DHX38: variants seen among roughly 807,000 people sequenced by gnomAD.
DHX38 encodes the protein DEAH-box helicase 38.
In DHX38, 100 loss-of-function variants were observed where a neutral mutation model predicts 153.1. That is an observed-to-expected ratio of 0.65 (90% confidence interval 0.56 to 0.77). DHX38 has a LOEUF of 0.77. DHX38 is among the 30% of genes least tolerant of loss of function. The pLI, the probability that DHX38 is intolerant of heterozygous loss-of-function variation, is 0.00. For synonymous variants in DHX38, 650 were observed against 631.7 expected (o/e 1.03, Z -0.43); for missense variants, 1,440 against 1,654.0 (o/e 0.87, Z 2.24).
At chr16:72,099,674 G>T (rs1310866881) in intron 7 of DHX38, 58 bp from the exon 8 acceptor site, 59 of 1,599,410 alleles carry the variant, frequency 3.7e-5, no homozygotes, top group Non-Finnish European at 5.0e-5. Context: ...TGTTGGCCAT[G>T]TCTCGTGCAT....
intron 4 of DHX38, among the ~76,000 whole-genome samples, chr16:72,097,997 C>T (rs2042045195): frequency 6.6e-6 from 1 of 152,116 alleles, no homozygotes; most frequent in South Asian, 2.1e-4. Context: ...GCTGAATGGC[C>T]AGTTTTCCAA....
Position 72,104,562 on chromosome 16 carries a change from T to C in DHX38, c.2087T>C (p.Phe696Ser). The change falls in exon 15 of 27, where the codon TTT (phenylalanine) becomes TCT (serine). Residue 696 changes from phenylalanine (F) to serine (S), a missense_variant. Phe to Ser is a radical substitution (Grantham distance 155). Coordinates refer to ENST00000268482, the MANE Select transcript of DHX38 (RefSeq NM_014003.4). The surrounding 1 kb of genome is among the most constrained non-coding windows in gnomAD (Gnocchi z 4.5). ...GATGCGGAGAAGTTTGCTGCCTTTT[T>C]TGGGAATGTCCCCATCTTCCACATC... ...TMDAEKFAAFFGNVPIFHIPG... is the reference protein window; with the variant it reads ...TMDAEKFAAFSGNVPIFHIPG... The C allele has an allele frequency of 6.2e-7, 1 of 1,614,160 alleles. No homozygotes were observed. The highest frequency in any genetic ancestry group is 8.5e-7 in the Non-Finnish European group (1 of 1,180,020).
chr16:72,106,147 G>A, intron 19 of DHX38, 30 bp downstream of exon 19: 1 of 1,607,372 alleles, frequency 6.2e-7, no homozygotes, highest in Non-Finnish European at 8.5e-7. Flanking sequence ...CTGCTTTCTG[G>A]GGCAGCGCTG....
chr16:72,096,823 C>A lies in DHX38; in HGVS notation c.325C>A (p.His109Asn). The stretch of plus-strand genomic sequence containing the variant: ...TACCAGTTGCTCTCCCTGTTTCAGA[C>A]ATTATCGGTCTGCTCGGGTAGAGAC... ...QAGQNIRKDR[H>N]YRSARVETPS... The change falls in exon 3 of 27, where the codon CAT becomes AAT. Residue 109 changes from histidine (H) to asparagine (N), a missense_variant and splice_region_variant. His to Asn is a moderately conservative substitution (Grantham distance 68). Around this residue, in one of 6 missense-constraint regions of DHX38, gnomAD observed 483 missense variants for 465.1 expected, o/e 1.04. Transcript: ENST00000268482. 4 of 1,610,714 alleles carry A rather than the reference C, an allele frequency of 2.5e-6. No homozygotes were observed. Among genetic ancestry groups the A allele is most frequent in the Non-Finnish European group, 3.4e-6 (4 of 1,178,310 alleles).
intron 25 of DHX38, among the ~76,000 whole-genome samples, chr16:72,110,092 T>C (rs2042237586): frequency 6.6e-6 from 1 of 152,250 alleles, no homozygotes; most frequent in Non-Finnish European, 1.5e-5. Context: ...ATCCAGGCAT[T>C]GCAACTGCTT....
At chr16:72,111,121 C>T (rs755008295) in intron 26 of DHX38, 44 bp downstream of exon 26, 62 of 1,513,274 alleles carry the variant, frequency 4.1e-5, no homozygotes, top group Non-Finnish European at 5.4e-5. Context: ...GCACCCATCC[C>T]AGGAGGCTGC....
Position 72,096,472 on chromosome 16 carries a change from G to T in DHX38, c.315G>T (p.Arg105=). The T allele has an allele frequency of 6.2e-7, 1 of 1,611,952 alleles. No homozygotes were observed. The change falls in exon 2 of 27, where the codon CGG becomes CGT. Residue 105 remains arginine, a synonymous_variant. Coordinates refer to ENST00000268482, the MANE Select transcript of DHX38 (RefSeq NM_014003.4). ...GTGACCAGGCTGGCCAAAATATCCGGAAAGACAGGTAAAGGCCTTAGTATG... is the reference window on the plus strand; with the variant it reads ...GTGACCAGGCTGGCCAAAATATCCGTAAAGACAGGTAAAGGCCTTAGTATG... ...EGGDQAGQNI[R]KDRHYRSARV... is the part of the protein sequence containing the mutation.
In DHX38 at chr16:72,108,235, G is replaced by C; in HGVS notation, c.2973G>C (p.Glu991Asp). The C allele has an allele frequency of 1.2e-6, 2 of 1,614,102 alleles. No individual in the cohort carries two copies. Among genetic ancestry groups the C allele is most frequent in the Non-Finnish European group, 1.7e-6 (2 of 1,180,026 alleles). The change falls in exon 22 of 27, where the codon GAG becomes GAC. Residue 991 changes from glutamate (E) to aspartate (D), a missense_variant. Transcript: ENST00000268482. ...PAIFYRPKGR[E>D]EESDQIREKF... ...TCTTTTTCCCTTCCTAGGGTCGAGA[G>C]GAGGAGAGTGATCAAATCCGGGAGA...
Position 72,110,955 on chromosome 16 carries a change from G to T in DHX38, c.3478-1G>T. ...CAGCCAGGTCTGTCCCTCTTCAATA[G>T]GAGAACCGTCGTCGGGCCAAAGAGG... On this transcript the variant is annotated splice_acceptor_variant, in intron 25 of 26. Transcript: ENST00000268482. LOFTEE classifies it high-confidence loss of function. The T allele has an allele frequency of 6.3e-7, 1 of 1,586,840 alleles. No homozygotes were observed. The highest frequency in any genetic ancestry group is 1.2e-5 in the South Asian group (1 of 86,954).
chr16:72,099,409 C>T (rs2144139964), intron 7 of DHX38, 129 bp downstream of exon 7: 3 of 862,092 alleles, frequency 3.5e-6, no homozygotes, highest in Middle Eastern at 3.5e-4. Context: ...CCTGGAGTCT[C>T]TTTGCAGAGG....
Position 72,098,725 on chromosome 16 carries a change from C to G in DHX38, c.697C>G (p.Pro233Ala). Residue 233 changes from proline (P) to alanine (A), a missense_variant, in exon 5 of 27, where the codon CCC becomes GCC. By Grantham distance (27) the Pro-to-Ala change is conservative. Coordinates refer to ENST00000268482, the MANE Select transcript of DHX38 (RefSeq NM_014003.4). ...GSSRRSQWESPSPTPSYRDSE... is the reference protein window; with the variant it reads ...GSSRRSQWESASPTPSYRDSE... ...CTCAAGGCGCTCACAGTGGGAATCG[C>G]CCTCCCCGACGCCTTCCTATCGGGA... 1 of 1,614,176 alleles carries G rather than the reference C, an allele frequency of 6.2e-7. No homozygotes were observed. The highest frequency in any genetic ancestry group is 8.5e-7 in the Non-Finnish European group (1 of 1,180,032).
In DHX38 at chr16:72,112,544, G is replaced by A; in HGVS notation, c.*47G>A. The A allele has an allele frequency of 6.3e-7, 1 of 1,594,736 alleles. No homozygotes were observed. Among genetic ancestry groups the A allele is most frequent in the South Asian group, 1.1e-5 (1 of 90,816 alleles). On this transcript the variant is annotated 3_prime_UTR_variant, in exon 27 of 27. Coordinates refer to ENST00000268482, the MANE Select transcript of DHX38 (RefSeq NM_014003.4). ...GATGGCAGCAGGTATTGGGTCCTCA[G>A]CCTTCTGGCGGGAGCCCTGAGGCTG... is the stretch of plus-strand genomic sequence containing the variant.
chr16:72,103,276 A>G, intron 12 of DHX38, 65 bp downstream of exon 12: 2 of 1,562,902 alleles, frequency 1.3e-6, no homozygotes, highest in South Asian at 1.2e-5. Flanking sequence ...TCCCATGTTT[A>G]CCCAGGAGCT....
chr16:72,108,726 T>A, intron 23 of DHX38, 74 bp from the exon 24 acceptor site: 2 of 1,594,272 alleles, frequency 1.3e-6, no homozygotes, highest in Non-Finnish European at 1.7e-6. Flanking sequence ...GTGTCAAGAG[T>A]GTTAAGGGAT....
chr16:72,104,031 C>T lies in DHX38; in HGVS notation c.1910C>T (p.Ser637Phe). Residue 637 changes from serine to phenylalanine, a missense_variant, in exon 14 of 27, where the codon TCC (serine) becomes TTC (phenylalanine). Ser to Phe is a radical substitution (Grantham distance 155, BLOSUM62 -2). Coordinates refer to ENST00000268482, the MANE Select transcript of DHX38 (RefSeq NM_014003.4). This position sits in a 1 kb window ranked among gnomAD's most constrained non-coding sequence, Gnocchi z 4.5. ...YMTDGILLRE[S>F]LREADLDHYS... ...ACTGACGGGATCCTGCTCCGAGAGT[C>T]CCTCCGGGAAGCCGACCTGGATCAC... 1 of 1,614,190 alleles carries T rather than the reference C, an allele frequency of 6.2e-7. No homozygotes were observed. The highest frequency in any genetic ancestry group is 8.5e-7 in the Non-Finnish European group (1 of 1,180,046).
At chr16:72,108,024 C>G (rs2042203408) in intron 21 of DHX38, among the ~76,000 whole-genome samples, 1 of 152,174 alleles carries the variant, frequency 6.6e-6, no homozygotes, top group Non-Finnish European at 1.5e-5. Flanking sequence ...TTTTTATCTT[C>G]TAGTATGGTT....
chr16:72,109,450 G>A lies in DHX38; in HGVS notation c.3417G>A (p.Glu1139=). The part of the protein sequence containing the change: ...YMQCVTAVDG[E]WLAELGPMFY... ...AGTGTGTGACCGCTGTGGACGGGGAGTGGCTGGCGGAGCTGGGCCCCATGT... is the reference window on the plus strand; with the variant it reads ...AGTGTGTGACCGCTGTGGACGGGGAATGGCTGGCGGAGCTGGGCCCCATGT... The change falls in exon 25 of 27, where the codon GAG becomes GAA. Residue 1139 remains glutamate (E), a synonymous_variant. Coordinates refer to ENST00000268482, the MANE Select transcript of DHX38 (RefSeq NM_014003.4). 6.2e-7 allele frequency: 1 copy of A among 1,613,304 alleles called. No individual in the cohort carries two copies. Among genetic ancestry groups the A allele is most frequent in the Non-Finnish European group, 8.5e-7 (1 of 1,179,838 alleles).
chr16:72,096,468 T>A lies in DHX38; in HGVS notation c.311T>A (p.Ile104Asn). 6.2e-7 allele frequency: 1 copy of A among 1,612,222 alleles called. No individual in the cohort carries two copies. Among genetic ancestry groups the A allele is most frequent in the South Asian group, 1.1e-5 (1 of 91,004 alleles). Reference protein sequence around the residue: ...EEGGDQAGQNIRKDRHYRSAR... With the variant: ...EEGGDQAGQNNRKDRHYRSAR... ...GGCGGTGACCAGGCTGGCCAAAATA[T>A]CCGGAAAGACAGGTAAAGGCCTTAG... is the stretch of plus-strand genomic sequence containing the variant. Residue 104 changes from isoleucine (I) to asparagine (N), a missense_variant, in exon 2 of 27, where the codon ATC (isoleucine) becomes AAC (asparagine). By Grantham distance (149) the Ile-to-Asn change is moderately radical. Coordinates refer to ENST00000268482, the MANE Select transcript of DHX38 (RefSeq NM_014003.4).
rs1261809813 is a variant in DHX38 at position 72,097,028 on chromosome 16, T to A, written c.511+19T>A. On this transcript the variant is annotated intron_variant, in intron 3 of 26. Transcript: ENST00000268482. The stretch of plus-strand genomic sequence containing the variant: ...GACAGAGGTAAACTGTCCAGCACAG[T>A]TCCTATTGTCCATTAGCATTCGAAT... 1 of 1,593,682 alleles carries A rather than the reference T, an allele frequency of 6.3e-7. No individual in the cohort carries two copies. The highest frequency in any genetic ancestry group is 1.7e-5 in the Admixed American group (1 of 58,220).
Sources: allele counts gnomAD v4.1 joint callset (sites outside exome capture counted in the v4.1 genomes callset), GRCh38; gene constraint gnomAD v4.1.1; regional missense constraint gnomAD v4.1.1; non-coding constraint Gnocchi (gnomAD v3.1); transcripts MANE v1.5; gene names NCBI Gene and HGNC (gene_info 2026-07-23, HGNC 2026-07-21).